PCSK5: variants seen among roughly 807,000 people sequenced by gnomAD.
PCSK5 encodes proprotein convertase subtilisin/kexin type 5, also known as prohormone convertase 5.
In PCSK5, 129 loss-of-function variants were observed where a neutral mutation model predicts 233.2. That is an observed-to-expected ratio of 0.55 (90% CI 0.48 to 0.64). The LOEUF (loss-of-function observed/expected upper bound fraction) is 0.64. Among genes scored for constraint, PCSK5 ranks in the 30% least tolerant of loss-of-function variants. The pLI is 0.00. For missense variants in PCSK5, 2,076 were observed against 2,430.1 expected (o/e 0.85, Z 3.06); for synonymous variants, 825 against 879.2 (o/e 0.94, Z 1.09).
At chr9:76,093,272 T>A (rs930768997) in intron 7 of PCSK5, among the ~76,000 whole-genome samples, 3 of 151,928 alleles carry the variant, frequency 2.0e-5, no homozygotes, top group Admixed American at 2.0e-4. Flanking sequence ...CTTTTTAATT[T>A]TTTGTAAATA....
At chr9:75,891,489 A>T in intron 1 of PCSK5, 116 bp downstream of exon 1, 1 of 831,870 alleles carries the variant, frequency 1.2e-6, no homozygotes, top group Non-Finnish European at 1.9e-6. Context: ...CTGTTGCCCT[A>T]ACTCTTGGGC....
intron 2 of PCSK5, among the ~76,000 whole-genome samples, chr9:75,944,032 A>G (rs116957104): frequency 0.13 from 19,301 of 152,006 alleles, 1,554 homozygotes; most frequent in Non-Finnish European, 0.18. Flanking sequence ...GTGTAGTGGC[A>G]TGGGCCTTTA....
chr9:76,185,302 T>C (rs919446366), intron 17 of PCSK5, among the ~76,000 whole-genome samples: 3 of 152,188 alleles, frequency 2.0e-5, no homozygotes, highest in African/African-American at 7.2e-5. Context: ...CAATAGTTGG[T>C]CAACTCTCTA....
At chr9:76,309,269 A>G (rs1033275216) in intron 29 of PCSK5, among the ~76,000 whole-genome samples, 1 of 152,134 alleles carries the variant, frequency 6.6e-6, no homozygotes, top group Non-Finnish European at 1.5e-5. Context: ...GGGAGGGAGG[A>G]AGGAATAAGA....
intron 5 of PCSK5, among the ~76,000 whole-genome samples, chr9:76,039,444 T>C (rs1344395259): frequency 6.6e-6 from 1 of 152,214 alleles, no homozygotes; most frequent in Non-Finnish European, 1.5e-5. Flanking sequence ...GTTTCTCAAA[T>C]ACATTTGGAT....
intron 3 of PCSK5, among the ~76,000 whole-genome samples, chr9:76,016,666 A>G (rs1471524015): frequency 5.3e-5 from 8 of 152,252 alleles, no homozygotes; most frequent in African/African-American, 1.9e-4. Context: ...AAGGTGACAC[A>G]AGATGTGTTT....
At chr9:76,106,540 T>G (rs1831986179) in intron 8 of PCSK5, among the ~76,000 whole-genome samples, 1 of 152,210 alleles carries the variant, frequency 6.6e-6, no homozygotes, top group Non-Finnish European at 1.5e-5. Flanking sequence ...AGTTCTCACA[T>G]TTTGATTAAA....
chr9:76,177,442 A>C (rs766724377), intron 14 of PCSK5, among the ~76,000 whole-genome samples: 1 of 152,264 alleles, frequency 6.6e-6, no homozygotes, highest in Non-Finnish European at 1.5e-5. Flanking sequence ...AGAGTATCTT[A>C]AATACACATG....
At chr9:76,027,062 G>T (rs750992074) in intron 5 of PCSK5, 25 bp downstream of exon 5, 2 of 1,517,662 alleles carry the variant, frequency 1.3e-6, no homozygotes, top group Non-Finnish European at 1.8e-6. Context: ...AGGGGTGGCT[G>T]GCATGTGGCT....
Position 75,932,391 on chromosome 9 carries a change from A to G in PCSK5, c.205A>G (p.Lys69Glu). ...FINIGQIGAL[K>E]DYYHFYHSRT... ...CCTTCCTTTGCAGATAGGGGCCCTG[A>G]AGGACTACTACCACTTCTACCATAG... The change falls in exon 2 of 38, where the codon AAG becomes GAG. Residue 69 changes from lysine (K) to glutamate (E), a missense_variant. Transcript: ENST00000674117. 1 of 1,607,014 alleles carries G rather than the reference A, an allele frequency of 6.2e-7. No homozygotes were observed. Among genetic ancestry groups the G allele is most frequent in the Non-Finnish European group, 8.5e-7 (1 of 1,174,026 alleles).
At chr9:75,959,109 A>G (rs1001000090) in intron 2 of PCSK5, among the ~76,000 whole-genome samples, 4 of 152,222 alleles carry the variant, frequency 2.6e-5, no homozygotes, top group African/African-American at 9.6e-5. Flanking sequence ...AAGTTTGCTC[A>G]TGACAGGGAG....
intron 9 of PCSK5, among the ~76,000 whole-genome samples, chr9:76,125,291 C>T (rs1832801972): frequency 6.6e-6 from 1 of 152,116 alleles, no homozygotes; most frequent in South Asian, 2.1e-4. Flanking sequence ...ATCATTTCCT[C>T]CCCCTTCTGA....
At chr9:75,897,716 C>T (rs1825872162) in intron 1 of PCSK5, among the ~76,000 whole-genome samples, 1 of 152,024 alleles carries the variant, frequency 6.6e-6, no homozygotes, top group East Asian at 1.9e-4. Context: ...TTGTCTCCAA[C>T]TCCTGATCTC....
chr9:75,909,179 G>T (rs1822602111), intron 1 of PCSK5, among the ~76,000 whole-genome samples: 1 of 151,072 alleles, frequency 6.6e-6, no homozygotes, highest in Admixed American at 6.6e-5. Flanking sequence ...ACAAAAATTA[G>T]CCAGGTGTGG....
At chr9:76,028,914 T>C (rs1828542281) in intron 5 of PCSK5, among the ~76,000 whole-genome samples, 1 of 152,150 alleles carries the variant, frequency 6.6e-6, no homozygotes, top group Admixed American at 6.5e-5. Context: ...AGGAGTCGGT[T>C]GGGTCTGATC....
At chr9:76,216,063 C>T (rs1825517279) in intron 20 of PCSK5, among the ~76,000 whole-genome samples, 2 of 152,166 alleles carry the variant, frequency 1.3e-5, no homozygotes, top group Admixed American at 1.3e-4. Context: ...GCCACATAGA[C>T]TTTCTAGAGC....
intron 24 of PCSK5, among the ~76,000 whole-genome samples, chr9:76,275,777 T>G (rs555862485): frequency 2.6e-5 from 4 of 152,348 alleles, no homozygotes; most frequent in African/African-American, 9.6e-5. Context: ...ATAACTTGGC[T>G]TCTTTCAGCC....
intron 2 of PCSK5, among the ~76,000 whole-genome samples, chr9:75,976,070 A>G (rs926068107): frequency 6.6e-6 from 1 of 152,200 alleles, no homozygotes; most frequent in African/African-American, 2.4e-5. Context: ...TACATGAGCA[A>G]TCGAAATTGT....
At chr9:75,923,600 T>A (rs1474439989) in intron 1 of PCSK5, among the ~76,000 whole-genome samples, 1 of 152,168 alleles carries the variant, frequency 6.6e-6, no homozygotes, top group Non-Finnish European at 1.5e-5. Context: ...CTAGTTTAAT[T>A]TCCTTTTCTT....
Sources: gnomAD v4.1 joint callset for allele counts (sites outside exome capture counted in the v4.1 genomes callset) on GRCh38, gnomAD v4.1.1 for gene constraint, MANE v1.5 for transcripts, NCBI Gene and HGNC (gene_info 2026-07-23, HGNC 2026-07-21) for gene names.